Variants in RBKS observed in about 807,000 individuals in gnomAD.
RBKS encodes the protein ribokinase.
A neutral mutation model predicts 33.9 loss-of-function variants in RBKS; 33 were observed. The observed-to-expected ratio is 0.97, with a 90% CI of 0.74 to 1.30. The LOEUF is 1.30. RBKS is among the 50% of genes most tolerant of loss of function. RBKS has a pLI of 0.00. For synonymous variants in RBKS, 125 were observed against 143.0 expected (o/e 0.87, Z 0.90); for missense variants, 361 against 392.6 (o/e 0.92, Z 0.68).
chr2:27,805,188 G>T (rs934230511), intron 7 of RBKS, among the ~76,000 whole-genome samples: 1 of 152,118 alleles, frequency 6.6e-6, no homozygotes, highest in African/African-American at 2.4e-5. Flanking sequence ...AGCTGATGAG[G>T]TTTAAAAAAT....
chr2:27,889,637 G>A (rs1188496845), intron 1 of RBKS, among the ~76,000 whole-genome samples: 1 of 152,154 alleles, frequency 6.6e-6, no homozygotes, highest in Non-Finnish European at 1.5e-5. Flanking sequence ...CGTTTTCAGA[G>A]GTTGTAAATA....
chr2:27,832,714 G>A lies in RBKS; in HGVS notation c.578C>T (p.Ser193Leu), dbSNP rs1678443689. Residue 193 changes from serine to leucine, a missense_variant, in exon 6 of 8, where the codon TCA (serine) becomes TTA (leucine). Coordinates refer to ENST00000302188, the MANE Select transcript of RBKS (RefSeq NM_022128.3). ...ADLDPQFYTLSDVFCCNESEA... is the reference protein window; with the variant it reads ...ADLDPQFYTLLDVFCCNESEA... ...ACTTTCATTGCAGCAGAACACATCT[G>A]AGAGGGTGTAGAACTGGGGATCCAG... is the stretch of plus-strand genomic sequence containing the variant. 4 of 1,613,178 alleles carry A rather than the reference G, an allele frequency of 2.5e-6. No individual in the cohort carries two copies. Among genetic ancestry groups the A allele is most frequent in the Non-Finnish European group, 3.4e-6 (4 of 1,179,154 alleles).
In RBKS at chr2:27,810,437, A is replaced by G. The variant is rs1677968359; in HGVS notation, c.795+17130T>C. Reference sequence around the variant, plus strand: ...AGGCATACTGGATGGAAGGGCATTTACCGGATGGAAGGGCATTTATGGATC... The same window carrying G: ...AGGCATACTGGATGGAAGGGCATTTGCCGGATGGAAGGGCATTTATGGATC... On this transcript the variant is annotated intron_variant, in intron 7 of 7. Transcript: ENST00000302188. The surrounding 1 kb of genome is among the most constrained non-coding windows in gnomAD (Gnocchi z 4.4). Among the ~76,000 whole-genome samples the G allele has an allele frequency of 6.6e-6, 1 of 152,142 alleles. No homozygotes were observed.
At chr2:27,867,767 G>A (rs1206374825) in intron 1 of RBKS, among the ~76,000 whole-genome samples, 1 of 152,198 alleles carries the variant, frequency 6.6e-6, no homozygotes, top group Admixed American at 6.5e-5. Context: ...CAAGAGGCAA[G>A]GGCAGGCAAA....
In RBKS at chr2:27,843,246, C is replaced by T. The variant is rs763866393; in HGVS notation, c.350-15G>A. On this transcript the variant is annotated splice_polypyrimidine_tract_variant and intron_variant, in intron 4 of 7. Transcript: ENST00000302188. The stretch of plus-strand genomic sequence containing the variant: ...GATATTCTGGCCTATAAAGAAATTC[C>T]ACCTATTATATTAAAACTAAACAAA... The T allele has an allele frequency of 3.1e-6, 5 of 1,587,318 alleles. No individual in the cohort carries two copies. The highest frequency in any genetic ancestry group is 4.3e-6 in the Non-Finnish European group (5 of 1,164,732).
rs56235654 is a variant in RBKS, at chr2:27,781,859, A to C, written c.796-71T>G. The C allele has an allele frequency of 3.2e-4, 421 of 1,316,912 alleles. 3 individuals are homozygous for C. The Middle Eastern group carries it at 4.5e-3, about 14-fold the overall frequency. The allele number at this position is 1,316,912 out of a possible 1,614,324, so 81.6% of individuals were successfully genotyped here. A position where few individuals can be genotyped will look rare whatever the true frequency, so the allele number is the denominator to read the frequency against. The stretch of plus-strand genomic sequence containing the variant: ...GTTGCCCAAACTGCATATTTTAAAG[A>C]TATTTAAGTAAACTTAATTTTAGTT... On this transcript the variant is annotated intron_variant, in intron 7 of 7. Coordinates refer to ENST00000302188, the MANE Select transcript of RBKS (RefSeq NM_022128.3).
chr2:27,872,938 G>T (rs950926525), intron 1 of RBKS, among the ~76,000 whole-genome samples: 1 of 152,200 alleles, frequency 6.6e-6, no homozygotes, highest in Non-Finnish European at 1.5e-5. Context: ...CAAAACACTG[G>T]CAGGGTTGGG....
At chr2:27,835,275 T>TA (rs1678495586) in intron 5 of RBKS, among the ~76,000 whole-genome samples, 1 of 113,964 alleles carries the variant, frequency 8.8e-6, no homozygotes, top group Admixed American at 9.4e-5. Flanking sequence ...AAACTCTGTC[T>TA]CAAAAAAAAA....
chr2:27,796,606 G>C (rs1032521689), intron 7 of RBKS, among the ~76,000 whole-genome samples: 3 of 152,150 alleles, frequency 2.0e-5, no homozygotes, highest in Non-Finnish European at 4.4e-5. Context: ...GGAAGCGCAA[G>C]GACAGGAAAA....
intron 5 of RBKS, among the ~76,000 whole-genome samples, chr2:27,838,245 C>T (rs1678566516): frequency 6.6e-6 from 1 of 151,806 alleles, no homozygotes; most frequent in Non-Finnish European, 1.5e-5. Flanking sequence ...CATGTACCCC[C>T]GTGTCTAAAA....
chr2:27,888,609 A>C (rs1664603464), intron 1 of RBKS, among the ~76,000 whole-genome samples: 2 of 152,232 alleles, frequency 1.3e-5, no homozygotes, highest in Non-Finnish European at 2.9e-5. Flanking sequence ...TTTATACAAA[A>C]TTTAGTAAGT....
chr2:27,873,606 A>T lies in RBKS; in HGVS notation c.90-15035T>A, dbSNP rs536763728. Among the ~76,000 whole-genome samples the T allele has an allele frequency of 5.5e-4, 84 of 152,290 alleles. 1 individual carries two copies. Among genetic ancestry groups the T allele is most frequent in the Admixed American group, 1.0e-3 (16 of 15,286 alleles). Reference sequence around the variant, plus strand: ...TTGTATTTCTCACTTCAAAATGAAGACCTCTAACTCAGAAAAAACCAATAT... The same window carrying T: ...TTGTATTTCTCACTTCAAAATGAAGTCCTCTAACTCAGAAAAAACCAATAT... On this transcript the variant is annotated intron_variant, in intron 1 of 7. Coordinates refer to ENST00000302188, the MANE Select transcript of RBKS (RefSeq NM_022128.3).
chr2:27,853,461 C>G (rs1296365926), intron 2 of RBKS, among the ~76,000 whole-genome samples: 2 of 151,200 alleles, frequency 1.3e-5, no homozygotes, highest in Non-Finnish European at 2.9e-5. Context: ...GAGTTTGAGA[C>G]CAGCCTGGGC....
chr2:27,847,890 A>G, intron 3 of RBKS, 144 bp downstream of exon 3: 1 of 623,272 alleles, frequency 1.6e-6, no homozygotes, highest in Non-Finnish European at 2.9e-6. Context: ...AGGACATTTA[A>G]GCAAGAATGG....
Position 27,795,011 on chromosome 2 carries a change from G to T in RBKS, c.796-13223C>A, listed in dbSNP as rs967989460. Among the ~76,000 whole-genome samples the T allele has an allele frequency of 4.6e-5, 7 of 152,144 alleles. No homozygotes were observed. Among genetic ancestry groups the T allele is most frequent in the African/African-American group, 1.7e-4 (7 of 41,424 alleles). ...TGTTAGTGGCAGTCCTGTTGTGATG[G>T]TATCCAGCGCCCTGTGCCAAGACCA... On this transcript the variant is annotated intron_variant, in intron 7 of 7. Transcript: ENST00000302188. This position sits in a 1 kb window ranked among gnomAD's most constrained non-coding sequence, Gnocchi z 4.1.
chr2:27,850,387 G>A (rs1663717650), intron 2 of RBKS, among the ~76,000 whole-genome samples: 1 of 152,114 alleles, frequency 6.6e-6, no homozygotes, highest in Non-Finnish European at 1.5e-5. Flanking sequence ...ATATTCTATA[G>A]GGTTTAACAA....
rs758375653 is a variant in RBKS, at chr2:27,890,228, G to A, written c.89+29C>T. 3.1e-6 allele frequency: 5 copies of A among 1,605,114 alleles called. No homozygotes were observed. The highest frequency in any genetic ancestry group is 1.7e-5 in the Admixed American group (1 of 59,800). On this transcript the variant is annotated intron_variant, in intron 1 of 7. Transcript: ENST00000302188. This position sits in a 1 kb window ranked among gnomAD's most constrained non-coding sequence, Gnocchi z 4.8. ...CACGGCACGCCTCCTCCCCCGAGCC[G>A]CAGACTGAGTAACTGGCCCCGGACT...
At chr2:27,831,100 A>G (rs1678406754) in intron 6 of RBKS, among the ~76,000 whole-genome samples, 1 of 152,210 alleles carries the variant, frequency 6.6e-6, no homozygotes. Context: ...AGCCCCAGGC[A>G]TCGCGTGGGA....
chr2:27,788,491 G>A (rs1036059979), intron 7 of RBKS, among the ~76,000 whole-genome samples: 1 of 152,140 alleles, frequency 6.6e-6, no homozygotes, highest in Non-Finnish European at 1.5e-5. Flanking sequence ...GGATAACAAG[G>A]TCAGGAGATC....
Sources: allele counts gnomAD v4.1 joint callset (sites outside exome capture counted in the v4.1 genomes callset), GRCh38; gene constraint gnomAD v4.1.1; non-coding constraint Gnocchi (gnomAD v3.1); transcripts MANE v1.5; gene names NCBI Gene and HGNC (gene_info 2026-07-23, HGNC 2026-07-21).